GRM3: variants seen among roughly 807,000 people sequenced by gnomAD.
The protein encoded by GRM3 is metabotropic glutamate receptor 3.
GRM3 carries 26 observed loss-of-function variants against 70.5 expected under a neutral mutation model. The observed-to-expected ratio is 0.37, with a 90% CI of 0.27 to 0.51. The LOEUF (loss-of-function observed/expected upper bound fraction) is 0.51, where lower values mean the gene tolerates loss of function less well. GRM3 is among the 20% of genes least tolerant of loss of function. GRM3 has a pLI of 0.93. For missense variants in GRM3, 859 were observed against 1,123.8 expected (o/e 0.76, Z 3.37); for synonymous variants, 443 against 434.9 (o/e 1.02, Z -0.23).
intron 1 of GRM3, among the ~76,000 whole-genome samples, chr7:86,660,540 A>G (rs996245841): frequency 5.3e-5 from 8 of 152,028 alleles, no homozygotes; most frequent in African/African-American, 1.9e-4. Context: ...AATAATCCTA[A>G]AGAAAGATCC....
intron 1 of GRM3, among the ~76,000 whole-genome samples, chr7:86,682,116 A>G (rs572977622): frequency 6.6e-6 from 1 of 152,356 alleles, no homozygotes; most frequent in South Asian, 2.1e-4. Context: ...CAAAGCAGAG[A>G]GAAAATAACA....
chr7:86,658,270 A>AT (rs773961015), intron 1 of GRM3, among the ~76,000 whole-genome samples: 1 of 152,068 alleles, frequency 6.6e-6, no homozygotes, highest in Non-Finnish European at 1.5e-5. Flanking sequence ...CTCTCCAAAG[A>AT]TTTTTTCTTT....
At chr7:86,652,363 C>T (rs963735932) in intron 1 of GRM3, among the ~76,000 whole-genome samples, 4 of 152,062 alleles carry the variant, frequency 2.6e-5, no homozygotes, top group Non-Finnish European at 5.9e-5. Context: ...TGGATTCTAG[C>T]TCTGTTGCCC....
chr7:86,682,998 G>A (rs143078647), intron 1 of GRM3, among the ~76,000 whole-genome samples: 15 of 152,252 alleles, frequency 9.9e-5, no homozygotes, highest in African/African-American at 3.4e-4. Flanking sequence ...TTGAAAGGGA[G>A]AGCATTTTCA....
At chr7:86,714,825 G>A (rs1220914429) in intron 1 of GRM3, among the ~76,000 whole-genome samples, 1 of 151,884 alleles carries the variant, frequency 6.6e-6, no homozygotes, top group Non-Finnish European at 1.5e-5. Flanking sequence ...GCCAGGCAAG[G>A]GTTATGATAA....
At chr7:86,696,607 T>C (rs1000041374) in intron 1 of GRM3, among the ~76,000 whole-genome samples, 1 of 152,192 alleles carries the variant, frequency 6.6e-6, no homozygotes, top group African/African-American at 2.4e-5. Context: ...CATACTAATA[T>C]ACCATCAGTA....
chr7:86,672,980 A>G (rs11983245), intron 1 of GRM3, among the ~76,000 whole-genome samples: 4,980 of 152,288 alleles, frequency 0.033, 264 homozygotes, highest in African/African-American at 0.11. Context: ...CAAAAAAGGT[A>G]ATGAACTAAG....
At chr7:86,781,463 T>A (rs550293346) in intron 2 of GRM3, among the ~76,000 whole-genome samples, 2 of 152,290 alleles carry the variant, frequency 1.3e-5, no homozygotes, top group East Asian at 3.9e-4. Context: ...TTCTAGTTTT[T>A]TCTTCTTTCT....
chr7:86,803,277 G>A (rs998860297), intron 3 of GRM3, among the ~76,000 whole-genome samples: 1 of 152,182 alleles, frequency 6.6e-6, no homozygotes, highest in Non-Finnish European at 1.5e-5. Context: ...CCAGAGATGA[G>A]TTCCTTATCT....
At chr7:86,772,071 A>G (rs1030874990) in intron 2 of GRM3, among the ~76,000 whole-genome samples, 1 of 152,044 alleles carries the variant, frequency 6.6e-6, no homozygotes, top group Non-Finnish European at 1.5e-5. Context: ...ATAACTGTTC[A>G]TTTGCATATT....
intron 1 of GRM3, among the ~76,000 whole-genome samples, chr7:86,655,286 A>G (rs919852553): frequency 2.0e-5 from 3 of 152,208 alleles, no homozygotes; most frequent in Non-Finnish European, 4.4e-5. Context: ...CTAAGTTCAT[A>G]CTAATGATTT....
intron 1 of GRM3, among the ~76,000 whole-genome samples, chr7:86,669,162 G>A (rs750362312): frequency 6.6e-6 from 1 of 152,094 alleles, no homozygotes; most frequent in Non-Finnish European, 1.5e-5. Context: ...CTGAAACAGT[G>A]GTTCTCTACA....
At chr7:86,764,092 C>G (rs937643862) in intron 1 of GRM3, among the ~76,000 whole-genome samples, 7 of 152,192 alleles carry the variant, frequency 4.6e-5, no homozygotes, top group African/African-American at 1.7e-4. Context: ...AAGATCCATT[C>G]ATAGACACGC....
chr7:86,709,571 G>T (rs578036467), intron 1 of GRM3, among the ~76,000 whole-genome samples: 2 of 151,948 alleles, frequency 1.3e-5, no homozygotes, highest in African/African-American at 4.8e-5. Flanking sequence ...CCTTCGGGGG[G>T]GTGGGGGTAG....
At chr7:86,694,523 A>G (rs1794768085) in intron 1 of GRM3, among the ~76,000 whole-genome samples, 1 of 147,170 alleles carries the variant, frequency 6.8e-6, no homozygotes, top group Non-Finnish European at 1.5e-5. Flanking sequence ...AAAAAAAAAA[A>G]AAAAAGAAAA....
intron 3 of GRM3, among the ~76,000 whole-genome samples, chr7:86,834,585 ATTT>A (rs67542488): frequency 1.2e-4 from 16 of 134,366 alleles, no homozygotes; most frequent in African/African-American, 4.3e-4. Context: ...TGCTTTCTCC[ATTT>A]TTTTTTTTTT....
At chr7:86,816,354 A>G (rs1343676798) in intron 3 of GRM3, among the ~76,000 whole-genome samples, 3 of 151,914 alleles carry the variant, frequency 2.0e-5, no homozygotes, top group Non-Finnish European at 4.4e-5. Context: ...GGTAAATTGC[A>G]TGTCACAGGG....
chr7:86,788,534 T>C (rs1182678860), intron 3 of GRM3, among the ~76,000 whole-genome samples: 1 of 152,200 alleles, frequency 6.6e-6, no homozygotes, highest in Non-Finnish European at 1.5e-5. Context: ...TTCTGTGCCC[T>C]GTATTCCCAT....
chr7:86,766,809 G>C (rs528329613), intron 2 of GRM3, among the ~76,000 whole-genome samples: 1 of 152,110 alleles, frequency 6.6e-6, no homozygotes, highest in East Asian at 1.9e-4. Context: ...AGCACTAAAA[G>C]AAACTATACC....
Sources: allele counts gnomAD v4.1 joint callset (sites outside exome capture counted in the v4.1 genomes callset), GRCh38; gene constraint gnomAD v4.1.1; transcripts MANE v1.5; gene names NCBI Gene and HGNC (gene_info 2026-07-23, HGNC 2026-07-21).